Variants in INPP4B observed in about 807,000 individuals in gnomAD.
INPP4B encodes inositol polyphosphate-4-phosphatase type II B.
In INPP4B, 55 loss-of-function variants were observed where a neutral mutation model predicts 122.5. That is an observed-to-expected ratio of 0.45 (90% CI 0.36 to 0.56). The LOEUF (loss-of-function observed/expected upper bound fraction) is 0.56, where lower values mean the gene tolerates loss of function less well. Among genes scored for constraint, INPP4B ranks in the 20% least tolerant of loss-of-function variants. The probability of loss-of-function intolerance (pLI) is 0.00; values close to 1 mark genes in which losing one functional copy is unlikely to be tolerated. For missense variants in INPP4B, 1,000 were observed against 1,097.7 expected (o/e 0.91, Z 1.26); for synonymous variants, 403 against 388.7 (o/e 1.04, Z -0.43).
At chr4:142,043,001 C>G (rs930569099) in intron 25 of INPP4B, among the ~76,000 whole-genome samples, 1 of 152,136 alleles carries the variant, frequency 6.6e-6, no homozygotes, top group African/African-American at 2.4e-5. Flanking sequence ...GTTGTATATT[C>G]TCAAATACTA....
chr4:142,666,615 T>G (rs886166628), intron 2 of INPP4B, among the ~76,000 whole-genome samples: 1 of 152,138 alleles, frequency 6.6e-6, no homozygotes, highest in Non-Finnish European at 1.5e-5. Context: ...AAAATTAAAA[T>G]TTTTAATGTG....
At chr4:142,840,780 G>C (rs1339971130) in intron 1 of INPP4B, among the ~76,000 whole-genome samples, 1 of 152,032 alleles carries the variant, frequency 6.6e-6, no homozygotes, top group Non-Finnish European at 1.5e-5. Flanking sequence ...CCACAAAGTG[G>C]AAATGCTATA....
At chr4:142,030,312 G>A (rs747695627) in intron 25 of INPP4B, 1 of 1,533,564 alleles carries the variant, frequency 6.5e-7, no homozygotes, top group Admixed American at 2.0e-5. Flanking sequence ...GCTGTTAAAT[G>A]AGGGGAAGTT....
At chr4:142,063,046 A>G (rs1761847481) in intron 25 of INPP4B, among the ~76,000 whole-genome samples, 1 of 152,256 alleles carries the variant, frequency 6.6e-6, no homozygotes, top group Admixed American at 6.5e-5. Context: ...AAGCTATACA[A>G]GGATAAAGAT....
chr4:142,245,521 C>T (rs961363382), intron 11 of INPP4B, among the ~76,000 whole-genome samples: 3 of 151,920 alleles, frequency 2.0e-5, no homozygotes, highest in Non-Finnish European at 2.9e-5. Context: ...CATCGATGTT[C>T]GTCAGGGATA....
intron 1 of INPP4B, among the ~76,000 whole-genome samples, chr4:142,840,852 A>G (rs1783393919): frequency 6.6e-6 from 1 of 152,054 alleles, no homozygotes; most frequent in Non-Finnish European, 1.5e-5. Context: ...TTCCTTCAAA[A>G]TAAGAATGCT....
rs529890804 is a variant in INPP4B at position 142,555,433 on chromosome 4, A to G, written c.-190-92707T>C. Among the ~76,000 whole-genome samples the G allele has an allele frequency of 9.2e-5, 14 of 152,352 alleles. No individual in the cohort carries two copies. The South Asian group carries it at 2.5e-3, about 27-fold the overall frequency. ...GAAAGATGTTAAGGAGGGAGAATCT[A>G]TAAGATTTGGCTACAATGCAGTCTA... On this transcript the variant is annotated intron_variant, in intron 2 of 25. Coordinates refer to ENST00000262992, the MANE Select transcript of INPP4B (RefSeq NM_001101669.3).
At chr4:142,453,871 G>A (rs529486954) in intron 3 of INPP4B, among the ~76,000 whole-genome samples, 1 of 152,230 alleles carries the variant, frequency 6.6e-6, no homozygotes, top group Non-Finnish European at 1.5e-5. Flanking sequence ...AGTAAACAAT[G>A]AAGCTCCAGG....
At chr4:142,709,885 C>T (rs1762902622) in intron 2 of INPP4B, among the ~76,000 whole-genome samples, 1 of 152,170 alleles carries the variant, frequency 6.6e-6, no homozygotes, top group Admixed American at 6.5e-5. Context: ...GTTCTATAAG[C>T]TTTAGCATTG....
chr4:142,701,471 A>G (rs1761753233), intron 2 of INPP4B, among the ~76,000 whole-genome samples: 1 of 151,940 alleles, frequency 6.6e-6, no homozygotes. Flanking sequence ...ATACATGCTG[A>G]AAATGAAAAA....
At chr4:142,250,657 T>C (rs1731526586) in intron 11 of INPP4B, among the ~76,000 whole-genome samples, 1 of 152,246 alleles carries the variant, frequency 6.6e-6, no homozygotes, top group Non-Finnish European at 1.5e-5. Flanking sequence ...AGCTCTTAGT[T>C]GTATTTTTAT....
chr4:142,445,585 G>A lies in INPP4B; in HGVS notation c.-126-14200C>T, dbSNP rs950593838. ...AGCAAAAACTGACAGAAGTGAAATA[G>A]ACAAATCCACAATACTTGAGGACAC... On this transcript the variant is annotated intron_variant, in intron 3 of 25. Transcript: ENST00000262992. Among the ~76,000 whole-genome samples the A allele has an allele frequency of 7.2e-5, 11 of 152,144 alleles. 1 individual carries two copies. The highest frequency in any genetic ancestry group is 7.2e-4 in the Admixed American group (11 of 15,266).
intron 1 of INPP4B, among the ~76,000 whole-genome samples, chr4:142,766,222 C>T (rs1772099108): frequency 6.6e-6 from 1 of 152,030 alleles, no homozygotes; most frequent in South Asian, 2.1e-4. Flanking sequence ...TATCTACTGT[C>T]ATGGCGAAAT....
intron 9 of INPP4B, among the ~76,000 whole-genome samples, chr4:142,284,731 C>G (rs1752727711): frequency 6.6e-6 from 1 of 151,892 alleles, no homozygotes; most frequent in South Asian, 2.1e-4. Flanking sequence ...AGCAAGGGTA[C>G]CTATACCCTT....
At chr4:142,588,381 G>C in intron 2 of INPP4B, among the ~76,000 whole-genome samples, 1 of 151,590 alleles carries the variant, frequency 6.6e-6, no homozygotes, top group East Asian at 1.9e-4. Context: ...TGTTGTAAAT[G>C]ACATGACTTA....
intron 14 of INPP4B, among the ~76,000 whole-genome samples, chr4:142,206,791 G>T (rs967470818): frequency 6.6e-6 from 1 of 151,790 alleles, no homozygotes; most frequent in Non-Finnish European, 1.5e-5. Context: ...TATTATTAAC[G>T]TGTATGTGTA....
At chr4:142,511,243 G>T (rs562694581) in intron 2 of INPP4B, among the ~76,000 whole-genome samples, 32 of 152,048 alleles carry the variant, frequency 2.1e-4, no homozygotes, top group African/African-American at 7.5e-4. Flanking sequence ...ATGTACTTTT[G>T]AAAAGGAGGA....
chr4:142,369,024 G>C (rs1486920309), intron 7 of INPP4B, among the ~76,000 whole-genome samples: 1 of 152,104 alleles, frequency 6.6e-6, no homozygotes, highest in Middle Eastern at 3.4e-3. Context: ...AGGAAGAAGA[G>C]GAACTGGGAG....
At chr4:142,612,978 G>A (rs927239292) in intron 2 of INPP4B, among the ~76,000 whole-genome samples, 1 of 152,168 alleles carries the variant, frequency 6.6e-6, no homozygotes, top group Non-Finnish European at 1.5e-5. Context: ...CAGAAATAAT[G>A]TAAGTGCCAT....
Sources: gnomAD v4.1 joint callset for allele counts (sites outside exome capture counted in the v4.1 genomes callset) on GRCh38, gnomAD v4.1.1 for gene constraint, MANE v1.5 for transcripts, NCBI Gene and HGNC (gene_info 2026-07-23, HGNC 2026-07-21) for gene names.